Variants in MAP2K4 observed in about 807,000 individuals in gnomAD.
MAP2K4 encodes dual specificity mitogen-activated protein kinase kinase 4.
A neutral mutation model predicts 48.5 loss-of-function variants in MAP2K4; 4 were observed. The ratio of observed to expected loss-of-function variants is 0.08; its 90% CI spans 0.04 to 0.19. The LOEUF (loss-of-function observed/expected upper bound fraction) is 0.19, where lower values mean the gene tolerates loss of function less well. Ranked by LOEUF, MAP2K4 falls within the 10% of genes least tolerant of loss-of-function variation. MAP2K4 has a pLI of 1.00. For synonymous variants in MAP2K4, 166 were observed against 173.1 expected, an observed-to-expected ratio of 0.96 and a Z score of 0.32; for missense variants, 258 against 493.3, an observed-to-expected ratio of 0.52 and a Z score of 4.52.
rs568874121 is a variant in MAP2K4, at chr17:12,086,049, G to A, written c.393+4519G>A. Reference sequence around the variant, plus strand: ...TTCTGAAAGCACTAGAATGATACTGGGATGGCCTTCAATTGGAAAAGTTCC... The same window carrying A: ...TTCTGAAAGCACTAGAATGATACTGAGATGGCCTTCAATTGGAAAAGTTCC... On this transcript the variant is annotated intron_variant, in intron 3 of 10. Coordinates refer to ENST00000353533, the MANE Select transcript of MAP2K4 (RefSeq NM_003010.4). Among the ~76,000 whole-genome samples, 50 of 152,244 alleles carry A rather than the reference G, an allele frequency of 3.3e-4. No individual in the cohort carries two copies. The South Asian group carries it at 5.4e-3, about 16-fold the overall frequency.
chr17:12,074,731 G>T (rs1970940591), intron 2 of MAP2K4, among the ~76,000 whole-genome samples: 1 of 152,076 alleles, frequency 6.6e-6, no homozygotes, highest in Non-Finnish European at 1.5e-5. Flanking sequence ...GGCTACCTTG[G>T]TCTCCCTAGA....
At chr17:12,126,298 G>C (rs956578536) in intron 8 of MAP2K4, among the ~76,000 whole-genome samples, 1 of 152,194 alleles carries the variant, frequency 6.6e-6, no homozygotes, top group Non-Finnish European at 1.5e-5. Context: ...ACAAGCAAGC[G>C]CAATTATATA....
intron 2 of MAP2K4, among the ~76,000 whole-genome samples, chr17:12,070,538 A>G (rs954184457): frequency 1.3e-5 from 2 of 152,244 alleles, no homozygotes; most frequent in East Asian, 3.8e-4. Flanking sequence ...GGTGCTTATC[A>G]TATAGAGCAT....
intron 7 of MAP2K4, among the ~76,000 whole-genome samples, chr17:12,114,471 G>A (rs1377900799): frequency 1.3e-5 from 2 of 151,858 alleles, no homozygotes; most frequent in Non-Finnish European, 2.9e-5. Context: ...TGTGGATGTT[G>A]ACTGGCTGGG....
At chr17:12,073,865 C>T (rs763400595) in intron 2 of MAP2K4, among the ~76,000 whole-genome samples, 2 of 151,478 alleles carry the variant, frequency 1.3e-5, no homozygotes, top group East Asian at 1.9e-4. Context: ...CCTCTGCCTC[C>T]CGGGTTGAAG....
intron 6 of MAP2K4, chr17:12,113,026 C>T (rs1462562050): frequency 2.6e-6 from 1 of 385,792 alleles, no homozygotes; most frequent in African/African-American, 2.0e-5. Flanking sequence ...GTTACATTTA[C>T]ACAATTATAG....
chr17:12,029,036 C>T (rs937482558), intron 1 of MAP2K4, among the ~76,000 whole-genome samples: 2 of 152,154 alleles, frequency 1.3e-5, no homozygotes, highest in Non-Finnish European at 2.9e-5. Flanking sequence ...TTTACTTTAT[C>T]GAACACCATT....
chr17:12,058,041 C>T (rs1300849738), intron 2 of MAP2K4, among the ~76,000 whole-genome samples: 1 of 151,524 alleles, frequency 6.6e-6, no homozygotes, highest in African/African-American at 2.4e-5. Context: ...CTTGGCTTTA[C>T]TTTTCTGTGA....
At chr17:12,065,258 A>ATTATTATTAT (rs1555545189) in intron 2 of MAP2K4, among the ~76,000 whole-genome samples, 2 of 136,222 alleles carry the variant, frequency 1.5e-5, no homozygotes, top group African/African-American at 2.7e-5. Context: ...ATATATACAT[A>ATTATTATTAT]TATTATTATT....
chr17:12,084,130 A>G (rs1008950471), intron 3 of MAP2K4, among the ~76,000 whole-genome samples: 2 of 152,056 alleles, frequency 1.3e-5, no homozygotes, highest in Admixed American at 1.3e-4. Context: ...TCCTTCCCCA[A>G]ATTTATTTTG....
In MAP2K4 at chr17:12,088,541, A is replaced by G. The variant is rs952356900; in HGVS notation, c.393+7011A>G. Among the ~76,000 whole-genome samples the G allele has an allele frequency of 2.9e-3, 325 of 114,030 alleles. 3 individuals carry two copies. The highest frequency in any genetic ancestry group is 9.3e-3 in the African/African-American group (308 of 32,962). 74.8% of individuals were successfully genotyped at this position (114,030 alleles called of 152,430 possible). On this transcript the variant is annotated intron_variant, in intron 3 of 10. Coordinates refer to ENST00000353533, the MANE Select transcript of MAP2K4 (RefSeq NM_003010.4). ...GTATGTAATATATAATATATATTAA[A>G]TTATATCTAATATATAATATATATT...
At chr17:12,117,349 G>A (rs1039622151) in intron 7 of MAP2K4, among the ~76,000 whole-genome samples, 1 of 152,030 alleles carries the variant, frequency 6.6e-6, no homozygotes, top group Non-Finnish European at 1.5e-5. Context: ...CTGACCTTAT[G>A]CGATGGGTCA....
intron 5 of MAP2K4, among the ~76,000 whole-genome samples, chr17:12,108,271 G>A (rs1361064214): frequency 6.6e-6 from 1 of 152,056 alleles, no homozygotes; most frequent in African/African-American, 2.4e-5. Flanking sequence ...TCTCCTTGAA[G>A]CCCCATAATT....
At chr17:12,049,391 A>G (rs140688586) in intron 1 of MAP2K4, among the ~76,000 whole-genome samples, 1,721 of 152,298 alleles carry the variant, frequency 0.011, 20 homozygotes, top group Middle Eastern at 0.048. Context: ...GTGTTCCCTA[A>G]AAGGGATTGA....
chr17:12,027,989 A>G (rs574017509), intron 1 of MAP2K4, among the ~76,000 whole-genome samples: 2 of 152,156 alleles, frequency 1.3e-5, no homozygotes, highest in South Asian at 4.1e-4. Context: ...GATAATAATA[A>G]CCTGCTTTAG....
chr17:12,128,931 A>G (rs1328195470), intron 8 of MAP2K4, among the ~76,000 whole-genome samples: 1 of 152,218 alleles, frequency 6.6e-6, no homozygotes, highest in Non-Finnish European at 1.5e-5. Context: ...AATTTGGTTG[A>G]TTCAGAATTC....
chr17:12,059,637 T>G (rs1461956921), intron 2 of MAP2K4, among the ~76,000 whole-genome samples: 1 of 152,214 alleles, frequency 6.6e-6, no homozygotes, highest in Non-Finnish European at 1.5e-5. Context: ...TAAAGTGCTC[T>G]CTTTAGACCA....
rs55763083 is a variant in MAP2K4 at position 12,081,512 on chromosome 17, G to A, written c.375G>A (p.Gly125=). 2.0e-3 allele frequency: 3,298 copies of A among 1,613,448 alleles called. 22 individuals carry two copies. Among genetic ancestry groups the A allele is most frequent in the South Asian group, 9.3e-3 (842 of 90,830 alleles). ...SVNKMVHKPS[G]QIMAVKRIRS... ...ACAAAATGGTCCACAAACCAAGTGG[G>A]CAAATAATGGCAGTTAAAGTAGGTG... Residue 125 remains glycine (G), a synonymous_variant, in exon 3 of 11, where the codon GGG becomes GGA. Coordinates refer to ENST00000353533, the MANE Select transcript of MAP2K4 (RefSeq NM_003010.4). This position sits in a 1 kb window ranked among gnomAD's most constrained non-coding sequence, Gnocchi z 4.2.
chr17:12,115,488 T>C (rs1972459501), intron 7 of MAP2K4: 1 of 587,984 alleles, frequency 1.7e-6, no homozygotes, highest in African/African-American at 1.9e-5. Context: ...TGTCTAAATA[T>C]AGAAAAGGTA....
Sources: gnomAD v4.1 joint callset for allele counts (sites outside exome capture counted in the v4.1 genomes callset) on GRCh38, gnomAD v4.1.1 for gene constraint, Gnocchi (gnomAD v3.1) non-coding constraint, MANE v1.5 for transcripts, NCBI Gene and HGNC (gene_info 2026-07-23, HGNC 2026-07-21) for gene names.